Variants in PXDNL observed in about 807,000 individuals in gnomAD.
PXDNL encodes the protein probable oxidoreductase PXDNL.
Under a neutral mutation model 150.8 loss-of-function variants are expected in PXDNL, and 145 were observed. That is an observed-to-expected ratio of 0.96 (90% CI 0.84 to 1.10). The LOEUF (loss-of-function observed/expected upper bound fraction) is 1.10. Among genes scored for constraint, PXDNL ranks in the 50% least tolerant of loss-of-function variants. The pLI is 0.00. For missense variants in PXDNL, 2,087 were observed against 1,873.9 expected (o/e 1.11, Z -2.10); for synonymous variants, 757 against 725.7 (o/e 1.04, Z -0.69).
chr8:51,783,351 G>C (rs995918139), intron 1 of PXDNL, among the ~76,000 whole-genome samples: 2 of 152,154 alleles, frequency 1.3e-5, no homozygotes, highest in Non-Finnish European at 2.9e-5. Flanking sequence ...CTGCTGAGTC[G>C]AATAACACGT....
chr8:51,662,268 C>T (rs1462271262), intron 1 of PXDNL, among the ~76,000 whole-genome samples: 1 of 152,070 alleles, frequency 6.6e-6, no homozygotes, highest in African/African-American at 2.4e-5. Context: ...ACCTATAATC[C>T]CAGCACTTTG....
At chr8:51,353,329 G>T (rs146143385) in intron 19 of PXDNL, among the ~76,000 whole-genome samples, 1 of 150,866 alleles carries the variant, frequency 6.6e-6, no homozygotes, top group South Asian at 2.1e-4. Flanking sequence ...TATTTATTTA[G>T]CTGTCTTTTC....
At chr8:51,446,983 A>T (rs749123142) in intron 12 of PXDNL, 21 bp downstream of exon 12, 2 of 1,612,158 alleles carry the variant, frequency 1.2e-6, no homozygotes, top group Non-Finnish European at 8.5e-7. Flanking sequence ...GAATGTGAAT[A>T]TGAATCACAG....
chr8:51,587,092 A>G (rs1267196288), intron 3 of PXDNL, among the ~76,000 whole-genome samples: 1 of 152,210 alleles, frequency 6.6e-6, no homozygotes, highest in Non-Finnish European at 1.5e-5. Flanking sequence ...ATTTGATATC[A>G]TTATCAATGC....
At chr8:51,577,997 A>G (rs201597282) in intron 3 of PXDNL, among the ~76,000 whole-genome samples, 7 of 36,576 alleles carry the variant, frequency 1.9e-4, no homozygotes, top group East Asian at 1.1e-3. Flanking sequence ...GAAAGAAAGA[A>G]AGAGGAAGGA....
chr8:51,402,541 C>T (rs1186254686), intron 17 of PXDNL, among the ~76,000 whole-genome samples: 1 of 151,918 alleles, frequency 6.6e-6, no homozygotes, highest in African/African-American at 2.4e-5. Flanking sequence ...TAAATAAAGC[C>T]GAGGCAGTTA....
At chr8:51,385,210 C>T (rs934618274) in intron 17 of PXDNL, among the ~76,000 whole-genome samples, 2 of 152,036 alleles carry the variant, frequency 1.3e-5, no homozygotes, top group African/African-American at 4.8e-5. Context: ...AAATCCTGGG[C>T]CTGAGACATA....
chr8:51,723,535 C>G (rs1816769533), intron 1 of PXDNL, among the ~76,000 whole-genome samples: 1 of 152,206 alleles, frequency 6.6e-6, no homozygotes, highest in South Asian at 2.1e-4. Flanking sequence ...AAAGGCTCTG[C>G]TGTGGCCCAA....
At chr8:51,500,973 T>C (rs906017775) in intron 4 of PXDNL, among the ~76,000 whole-genome samples, 1 of 152,222 alleles carries the variant, frequency 6.6e-6, no homozygotes, top group African/African-American at 2.4e-5. Context: ...ATCATTATTA[T>C]AGTAAGAGTA....
intron 21 of PXDNL, among the ~76,000 whole-genome samples, chr8:51,329,258 C>T (rs956822830): frequency 5.9e-5 from 9 of 152,180 alleles, no homozygotes; most frequent in African/African-American, 2.2e-4. Context: ...ACTGCTGAAG[C>T]AGCTGAAAGA....
At chr8:51,545,103 A>G (rs947388430) in intron 4 of PXDNL, among the ~76,000 whole-genome samples, 1 of 152,214 alleles carries the variant, frequency 6.6e-6, no homozygotes, top group African/African-American at 2.4e-5. Context: ...TAGAAAGAAA[A>G]AATGTCTGTT....
rs71550279 is a variant in PXDNL, at chr8:51,668,176, C to CTTTTTTT, written c.165-13423_165-13417dup. The stretch of plus-strand genomic sequence containing the variant: ...ATACAAGGCTTCCTTCTCGCTCTCT[C>CTTTTTTT]TTTTTTTTTTTTTTTTTGAGACAGA... On this transcript the variant is annotated intron_variant, in intron 1 of 22. Transcript: ENST00000356297. 3.7e-4 allele frequency among the ~76,000 whole-genome samples: 29 copies of CTTTTTTT among 77,382 alleles called. 10 individuals are homozygous for CTTTTTTT. The highest frequency in any genetic ancestry group is 2.5e-3 in the East Asian group (5 of 2,038). 50.8% of individuals were successfully genotyped at this position (77,382 alleles called of 152,430 possible).
chr8:51,770,662 A>G (rs2129242053), intron 1 of PXDNL, among the ~76,000 whole-genome samples: 1 of 152,348 alleles, frequency 6.6e-6, no homozygotes, highest in Admixed American at 6.5e-5. Context: ...TTTAAAGTCA[A>G]AACAGGTACA....
chr8:51,589,314 C>T (rs1231015680), intron 3 of PXDNL, among the ~76,000 whole-genome samples: 7 of 152,064 alleles, frequency 4.6e-5, no homozygotes, highest in Non-Finnish European at 8.8e-5. Context: ...TACCAAACAA[C>T]GCAGAAGTAG....
intron 1 of PXDNL, among the ~76,000 whole-genome samples, chr8:51,808,410 T>C (rs2037700922): frequency 6.6e-6 from 1 of 152,180 alleles, no homozygotes; most frequent in Non-Finnish European, 1.5e-5. Flanking sequence ...TAGAAACAGA[T>C]CCTTTTCTTC....
chr8:51,646,503 G>T (rs1333131707), intron 2 of PXDNL, among the ~76,000 whole-genome samples: 2 of 152,082 alleles, frequency 1.3e-5, no homozygotes, highest in Non-Finnish European at 1.5e-5. Context: ...TTGCTGATTG[G>T]GCAAGCAAAA....
Position 51,408,182 on chromosome 8 carries a change from G to T in PXDNL, c.3442C>A (p.His1148Asn), listed in dbSNP as rs766054858. The T allele has an allele frequency of 6.2e-7, 1 of 1,614,006 alleles. No individual in the cohort carries two copies. Among genetic ancestry groups the T allele is most frequent in the East Asian group, 2.2e-5 (1 of 44,872 alleles). ...AATIIQRGRD[H>N]GIPPYVDFRV... ...AAGTCAACATATGGTGGGATCCCGT[G>T]GTCTCTACCCCTTTGAATGATGGTG... Residue 1148 changes from histidine (H) to asparagine (N), a missense_variant, in exon 17 of 23, where the codon CAC becomes AAC. Coordinates refer to ENST00000356297, the MANE Select transcript of PXDNL (RefSeq NM_144651.5).
At chr8:51,487,072 A>T (rs9298448) in intron 5 of PXDNL, among the ~76,000 whole-genome samples, 2 of 151,290 alleles carry the variant, frequency 1.3e-5, no homozygotes, top group Non-Finnish European at 2.9e-5. Context: ...GGATTACAGG[A>T]GGGAGCCACC....
intron 4 of PXDNL, among the ~76,000 whole-genome samples, chr8:51,550,829 A>C (rs1812462943): frequency 6.6e-6 from 1 of 152,204 alleles, no homozygotes; most frequent in African/African-American, 2.4e-5. Context: ...CAATCAGACA[A>C]GAGAAAGAAA....
Sources: gnomAD v4.1 joint callset for allele counts (sites outside exome capture counted in the v4.1 genomes callset) on GRCh38, gnomAD v4.1.1 for gene constraint, MANE v1.5 for transcripts, NCBI Gene and HGNC (gene_info 2026-07-23, HGNC 2026-07-21) for gene names.